Variants in CNTN3 observed in about 807,000 individuals in gnomAD.
The protein encoded by CNTN3 is contactin 3, also known as contactin-3.
A neutral mutation model predicts 119.1 loss-of-function variants in CNTN3; 60 were observed. The observed-to-expected ratio is 0.50, with a 90% confidence interval of 0.41 to 0.62. CNTN3 has a LOEUF of 0.62. Ranked by LOEUF, CNTN3 falls within the 20% of genes least tolerant of loss-of-function variation. The pLI is 0.00. For synonymous variants in CNTN3, 450 were observed against 438.7 expected (o/e 1.03, Z -0.32); for missense variants, 1,101 against 1,242.4 (o/e 0.89, Z 1.71).
chr3:74,593,010 G>A (rs1376522955), intron 1 of CNTN3, among the ~76,000 whole-genome samples: 8 of 151,966 alleles, frequency 5.3e-5, no homozygotes, highest in East Asian at 1.9e-4. Context: ...AAATATAAAC[G>A]AATATGCAAA....
intron 19 of CNTN3, among the ~76,000 whole-genome samples, chr3:74,289,303 C>G (rs915474941): frequency 6.6e-6 from 1 of 152,094 alleles, no homozygotes; most frequent in Admixed American, 6.5e-5. Context: ...AATGTTTAAT[C>G]GTTGTTTCCT....
At chr3:74,469,384 A>G (rs1413822569) in intron 4 of CNTN3, among the ~76,000 whole-genome samples, 2 of 152,212 alleles carry the variant, frequency 1.3e-5, no homozygotes, top group Non-Finnish European at 2.9e-5. Context: ...AACTGACTCC[A>G]GAGATTTAAA....
intron 5 of CNTN3, among the ~76,000 whole-genome samples, chr3:74,416,151 T>C (rs528058190): frequency 2.0e-5 from 3 of 152,296 alleles, no homozygotes; most frequent in South Asian, 2.1e-4. Context: ...GGGGTTCAGA[T>C]ATTCCCAGCC....
Position 74,475,903 on chromosome 3 carries a change from GCT to G in CNTN3, c.358+10551_358+10552del, listed in dbSNP as rs557394880. On this transcript the variant is annotated intron_variant, in intron 4 of 22. Coordinates refer to ENST00000263665, the MANE Select transcript of CNTN3 (RefSeq NM_020872.3). Reference sequence around the variant, plus strand: ...AGTGACATTCTGCCTTCTTGTTTCAGCTCTCATTATAAACAAATATCCTTTTC... The same window carrying G: ...AGTGACATTCTGCCTTCTTGTTTCAGCTCATTATAAACAAATATCCTTTTC... Among the ~76,000 whole-genome samples the G allele has an allele frequency of 4.6e-5, 7 of 152,246 alleles. No homozygotes were observed. The South Asian group carries it at 1.5e-3, about 32-fold the overall frequency.
At chr3:74,306,910 G>A (rs577481192) in intron 13 of CNTN3, among the ~76,000 whole-genome samples, 50 of 152,270 alleles carry the variant, frequency 3.3e-4, no homozygotes, top group African/African-American at 1.2e-3. Flanking sequence ...CATAGAGTTG[G>A]AAGACAGGCA....
intron 1 of CNTN3, among the ~76,000 whole-genome samples, chr3:74,533,711 A>G (rs9821398): frequency 0.99 from 150,561 of 152,056 alleles, 74,549 homozygotes; most frequent in Middle Eastern, 1. Flanking sequence ...GAAGAAAGTG[A>G]TCCTCTGAAG....
intron 5 of CNTN3, among the ~76,000 whole-genome samples, chr3:74,418,551 G>A (rs1321192142): frequency 6.6e-6 from 1 of 151,596 alleles, no homozygotes; most frequent in Non-Finnish European, 1.5e-5. Context: ...TTGCTGGCCA[G>A]GCTGGTCTCC....
At chr3:74,599,121 G>C (rs1704863953) in intron 1 of CNTN3, among the ~76,000 whole-genome samples, 1 of 152,038 alleles carries the variant, frequency 6.6e-6, no homozygotes, top group Admixed American at 6.6e-5. Flanking sequence ...ATAAATGGTT[G>C]CAAGAATTCA....
intron 11 of CNTN3, among the ~76,000 whole-genome samples, chr3:74,358,466 C>G (rs1158244689): frequency 1.3e-5 from 2 of 151,296 alleles, no homozygotes; most frequent in African/African-American, 2.4e-5. Context: ...TTCTGTATTT[C>G]CCAGTTTCTC....
At chr3:74,553,800 G>A (rs1011440072) in intron 1 of CNTN3, among the ~76,000 whole-genome samples, 11 of 151,900 alleles carry the variant, frequency 7.2e-5, no homozygotes, top group Admixed American at 1.3e-4. Flanking sequence ...TAAGTTCTTC[G>A]TAGATTACGG....
At chr3:74,336,066 C>T (rs749583021) in intron 12 of CNTN3, among the ~76,000 whole-genome samples, 11 of 151,974 alleles carry the variant, frequency 7.2e-5, no homozygotes, top group South Asian at 4.1e-4. Context: ...GGATACAGCC[C>T]AAGCAACTGG....
intron 13 of CNTN3, among the ~76,000 whole-genome samples, chr3:74,327,752 C>T (rs148636675): frequency 0.023 from 3,431 of 151,760 alleles, 47 homozygotes; most frequent in Non-Finnish European, 0.034. Flanking sequence ...AATGAATCTA[C>T]CTAAGTAGAC....
chr3:74,583,426 C>T (rs1249512506), intron 1 of CNTN3, among the ~76,000 whole-genome samples: 1 of 151,436 alleles, frequency 6.6e-6, no homozygotes, highest in East Asian at 1.9e-4. Flanking sequence ...CCTAGATAAA[C>T]CTGAAAAATA....
chr3:74,582,739 T>C (rs1704532959), intron 1 of CNTN3, among the ~76,000 whole-genome samples: 1 of 151,778 alleles, frequency 6.6e-6, no homozygotes, highest in Non-Finnish European at 1.5e-5. Flanking sequence ...GAATGTAAAA[T>C]GGTGCAACCA....
At position 74,301,523 on chromosome 3, in the gene CNTN3, G is replaced by A. The variant is rs139861462; in HGVS notation, c.1970C>T (p.Thr657Met). 8,584 of 1,613,964 alleles carry A rather than the reference G, an allele frequency of 5.3e-3. 29 individuals are homozygous for A. Among genetic ancestry groups the A allele is most frequent in the Non-Finnish European group, 6.6e-3 (7,833 of 1,179,930 alleles). The change falls in exon 16 of 23, where the codon ACG becomes ATG. Residue 657 changes from threonine (T) to methionine (M), a missense_variant. Coordinates refer to ENST00000263665, the MANE Select transcript of CNTN3 (RefSeq NM_020872.3). Reference sequence around the variant, plus strand: ...TAACTCAACTACAGTGGCTGTGTGCGTCTTCCCATCGATGACCTCAGGCAC... The same window carrying A: ...TAACTCAACTACAGTGGCTGTGTGCATCTTCCCATCGATGACCTCAGGCAC... ...TTVPEVIDGK[T>M]HTATVVELNP...
chr3:74,317,208 C>T (rs1278831568), intron 13 of CNTN3, among the ~76,000 whole-genome samples: 8 of 149,942 alleles, frequency 5.3e-5, no homozygotes, highest in Middle Eastern at 3.4e-3. Flanking sequence ...TCCTCCATCC[C>T]TTTATTTTGA....
intron 11 of CNTN3, among the ~76,000 whole-genome samples, chr3:74,349,180 T>C (rs537269738): frequency 6.6e-6 from 1 of 152,174 alleles, no homozygotes; most frequent in East Asian, 1.9e-4. Flanking sequence ...AATAAATCAA[T>C]GTTGAAATGA....
chr3:74,498,907 C>A (rs1262163841), intron 3 of CNTN3, among the ~76,000 whole-genome samples: 1 of 151,760 alleles, frequency 6.6e-6, no homozygotes, highest in Non-Finnish European at 1.5e-5. Flanking sequence ...ATAAATAATT[C>A]ATCTCTTCAT....
chr3:74,321,110 CA>C (rs1483157645), intron 13 of CNTN3, among the ~76,000 whole-genome samples: 1 of 151,918 alleles, frequency 6.6e-6, no homozygotes. Context: ...CATATAAGAA[CA>C]ATAAACACTG....
Sources: allele counts gnomAD v4.1 joint callset (sites outside exome capture counted in the v4.1 genomes callset), GRCh38; gene constraint gnomAD v4.1.1; transcripts MANE v1.5; gene names NCBI Gene and HGNC (gene_info 2026-07-23, HGNC 2026-07-21).